VAV3: variants seen among roughly 807,000 people sequenced by gnomAD.
VAV3 encodes the protein guanine nucleotide exchange factor VAV3.
Under a neutral mutation model 131.2 loss-of-function variants are expected in VAV3, and 94 were observed. That is an observed-to-expected ratio of 0.72 (90% confidence interval 0.61 to 0.85). VAV3 has a LOEUF of 0.85. Among genes scored for constraint, VAV3 ranks in the 40% least tolerant of loss-of-function variants. VAV3 has a pLI of 0.00. For missense variants in VAV3, 939 were observed against 1,002.7 expected (o/e 0.94, Z 0.86); for synonymous variants, 349 against 342.0 (o/e 1.02, Z -0.22).
chr1:107,902,055 C>CA (rs946820186), intron 1 of VAV3, among the ~76,000 whole-genome samples: 47 of 147,652 alleles, frequency 3.2e-4, no homozygotes, highest in Non-Finnish European at 4.7e-4. Context: ...AAAAAAAAAA[C>CA]AAAAAAAACA....
intron 2 of VAV3, among the ~76,000 whole-genome samples, chr1:107,822,938 A>G (rs1016488606): frequency 7.2e-5 from 11 of 152,180 alleles, no homozygotes; most frequent in South Asian, 4.1e-4. Context: ...GGAAGAGACA[A>G]AAGACAAGTA....
In VAV3 at chr1:107,572,069, G is replaced by A. The variant is rs1379990359; in HGVS notation, c.*1262C>T. ...TCCATCAGGAAAGGGCCAAGTTAGTGTCTTAACTTGACTGCCTTGAATGGG... is the reference window on the plus strand; with the variant it reads ...TCCATCAGGAAAGGGCCAAGTTAGTATCTTAACTTGACTGCCTTGAATGGG... On this transcript the variant is annotated 3_prime_UTR_variant, in exon 27 of 27. Coordinates refer to ENST00000370056, the MANE Select transcript of VAV3 (RefSeq NM_006113.5). 1.3e-5 allele frequency: 2 copies of A among 152,198 alleles called. No homozygotes were observed. The highest frequency in any genetic ancestry group is 4.8e-5 in the African/African-American group (2 of 41,432). The allele number at this position is 152,198 out of a possible 1,614,324, so 9.4% of individuals were successfully genotyped here.
chr1:107,934,792 C>T (rs1364422367), intron 1 of VAV3, among the ~76,000 whole-genome samples: 1 of 152,234 alleles, frequency 6.6e-6, no homozygotes, highest in African/African-American at 2.4e-5. Flanking sequence ...TGAACACACA[C>T]TCTGGGGAAT....
intron 20 of VAV3, among the ~76,000 whole-genome samples, chr1:107,640,379 T>C (rs1026278289): frequency 2.0e-5 from 3 of 152,146 alleles, no homozygotes; most frequent in Non-Finnish European, 4.4e-5. Context: ...CAATATATGC[T>C]ATGTGATGCA....
At chr1:107,615,839 A>T (rs1157554037) in intron 21 of VAV3, among the ~76,000 whole-genome samples, 2 of 152,206 alleles carry the variant, frequency 1.3e-5, no homozygotes, top group Admixed American at 6.5e-5. Context: ...GCCAAAAAAA[A>T]TTTGAAAAAA....
intron 4 of VAV3, 120 bp downstream of exon 4, chr1:107,777,111 T>C: frequency 1.2e-6 from 1 of 860,962 alleles, no homozygotes; most frequent in Non-Finnish European, 1.9e-6. Flanking sequence ...AGTTTAAGGT[T>C]AATCAGTAAT....
chr1:107,585,907 A>G (rs1012173543), intron 25 of VAV3, among the ~76,000 whole-genome samples: 2 of 152,208 alleles, frequency 1.3e-5, no homozygotes, highest in Admixed American at 6.5e-5. Context: ...TTATAATAGC[A>G]GAAGCTCCCT....
intron 21 of VAV3, among the ~76,000 whole-genome samples, chr1:107,617,087 T>C (rs1392428550): frequency 6.6e-6 from 1 of 152,228 alleles, no homozygotes. Context: ...AATTCCATTA[T>C]GACATTATAT....
At chr1:107,944,065 A>T (rs1267734183) in intron 1 of VAV3, among the ~76,000 whole-genome samples, 4 of 152,248 alleles carry the variant, frequency 2.6e-5, no homozygotes, top group African/African-American at 9.6e-5. Context: ...TAAGCTTCAC[A>T]GTCTCCCAAG....
chr1:107,902,223 C>G (rs1671896369), intron 1 of VAV3, among the ~76,000 whole-genome samples: 1 of 152,194 alleles, frequency 6.6e-6, no homozygotes, highest in Admixed American at 6.5e-5. Context: ...GACCAAGGGT[C>G]TCTACAGACT....
rs531716479 is a variant in VAV3 at position 107,933,322 on chromosome 1, G to T, written c.204+31344C>A. On this transcript the variant is annotated intron_variant, in intron 1 of 26. Coordinates refer to ENST00000370056, the MANE Select transcript of VAV3 (RefSeq NM_006113.5). ...CAGTACAAAAGATAACCTTTCTCCAGAAACTATTTGGTCCTCCTCTACCCT... is the reference window on the plus strand; with the variant it reads ...CAGTACAAAAGATAACCTTTCTCCATAAACTATTTGGTCCTCCTCTACCCT... Among the ~76,000 whole-genome samples, 16 of 151,276 alleles carry T rather than the reference G, an allele frequency of 1.1e-4. No individual in the cohort carries two copies. In the South Asian group the frequency reaches 3.3e-3, roughly 32 times the overall value.
intron 2 of VAV3, among the ~76,000 whole-genome samples, chr1:107,836,063 C>T (rs1176267071): frequency 6.6e-6 from 1 of 152,174 alleles, no homozygotes; most frequent in African/African-American, 2.4e-5. Flanking sequence ...CACGAAAAGA[C>T]AGGCACAAAA....
chr1:107,686,007 C>T (rs1473943037), intron 18 of VAV3: 1 of 77,480 alleles, frequency 1.3e-5, no homozygotes, highest in Non-Finnish European at 2.3e-5. Context: ...TTTGATCTAC[C>T]TAACAATGGT....
At chr1:107,791,408 A>G (rs1666281136) in intron 2 of VAV3, among the ~76,000 whole-genome samples, 1 of 151,894 alleles carries the variant, frequency 6.6e-6, no homozygotes, top group East Asian at 1.9e-4. Context: ...GACTGCTGCA[A>G]TAGTTCAGGT....
chr1:107,927,500 G>A lies in VAV3; in HGVS notation c.204+37166C>T, dbSNP rs144957103. 1.9e-3 allele frequency among the ~76,000 whole-genome samples: 281 copies of A among 151,866 alleles called. 5 individuals are homozygous for A. Among genetic ancestry groups the A allele is most frequent in the Non-Finnish European group, 5.4e-4 (37 of 67,902 alleles). ...TATAGTACCAAGTGGGCTCTGGGGG[G>A]TCTCCAATTACAGGCTTAGCTCTGG... On this transcript the variant is annotated intron_variant, in intron 1 of 26. Transcript: ENST00000370056.
rs755398431 is a variant in VAV3 at position 107,573,290 on chromosome 1, C to A, written c.*41G>T. Reference sequence around the variant, plus strand: ...CTGTGCAGGCTTCTATTTATCCCTTCTCTGAAATTTTTGGTGCAGGGTGCA... The same window carrying A: ...CTGTGCAGGCTTCTATTTATCCCTTATCTGAAATTTTTGGTGCAGGGTGCA... On this transcript the variant is annotated 3_prime_UTR_variant, in exon 27 of 27. Transcript: ENST00000370056. 5.5e-5 allele frequency: 89 copies of A among 1,609,056 alleles called. No homozygotes were observed. In the Admixed American group the frequency reaches 1.5e-3, roughly 27 times the overall value.
chr1:107,734,143 T>C (rs1171584670), intron 15 of VAV3, among the ~76,000 whole-genome samples: 1 of 152,204 alleles, frequency 6.6e-6, no homozygotes, highest in African/African-American at 2.4e-5. Context: ...TAAAATCCTT[T>C]ACAAACAAGC....
chr1:107,878,563 T>C (rs1431807604), intron 1 of VAV3, among the ~76,000 whole-genome samples: 2 of 152,220 alleles, frequency 1.3e-5, no homozygotes, highest in African/African-American at 4.8e-5. Flanking sequence ...CCTATTATTC[T>C]TTCACTTGTA....
intron 24 of VAV3, among the ~76,000 whole-genome samples, chr1:107,597,263 T>C (rs1651474639): frequency 6.6e-6 from 1 of 151,770 alleles, no homozygotes; most frequent in African/African-American, 2.4e-5. Context: ...CACTTGTTTC[T>C]TCTAAAAATC....
Sources: gnomAD v4.1 joint callset for allele counts (sites outside exome capture counted in the v4.1 genomes callset) on GRCh38, gnomAD v4.1.1 for gene constraint, MANE v1.5 for transcripts, NCBI Gene and HGNC (gene_info 2026-07-23, HGNC 2026-07-21) for gene names.